Variants in POU6F2 observed in about 807,000 individuals in gnomAD.
POU6F2 encodes the protein POU class 6 homeobox 2, also known as POU domain, class 6, transcription factor 2.
POU6F2 carries 31 observed loss-of-function variants against 71.3 expected under a neutral mutation model. The ratio of observed to expected loss-of-function variants is 0.43; its 90% CI spans 0.33 to 0.59. The LOEUF (loss-of-function observed/expected upper bound fraction) is 0.59, where lower values mean the gene tolerates loss of function less well. Among genes scored for constraint, POU6F2 ranks in the 20% least tolerant of loss-of-function variants. The probability of loss-of-function intolerance (pLI) is 0.04; values close to 1 mark genes in which losing one functional copy is unlikely to be tolerated. For synonymous variants in POU6F2, 347 were observed against 355.7 expected, an observed-to-expected ratio of 0.98 and a Z score of 0.27; for missense variants, 783 against 856.8, an observed-to-expected ratio of 0.91 and a Z score of 1.07.
intron 4 of POU6F2, among the ~76,000 whole-genome samples, chr7:39,267,491 G>A (rs897352947): frequency 2.6e-5 from 4 of 152,116 alleles, no homozygotes; most frequent in Non-Finnish European, 5.9e-5. Context: ...TCCTGGATAG[G>A]GCCAATTTGT....
intron 4 of POU6F2, among the ~76,000 whole-genome samples, chr7:39,270,519 C>T (rs1448713450): frequency 2.6e-5 from 4 of 152,114 alleles, no homozygotes; most frequent in Non-Finnish European, 5.9e-5. Context: ...ATTGTTATTG[C>T]TATTTTTAGT....
At chr7:39,449,076 A>C (rs574191222) in intron 7 of POU6F2, among the ~76,000 whole-genome samples, 1 of 152,350 alleles carries the variant, frequency 6.6e-6, no homozygotes, top group Non-Finnish European at 1.5e-5. Context: ...TTTGGTTTGT[A>C]ATCTAGCCTC....
At chr7:39,375,982 C>T (rs2115772762) in intron 5 of POU6F2, among the ~76,000 whole-genome samples, 1 of 152,208 alleles carries the variant, frequency 6.6e-6, no homozygotes, top group Middle Eastern at 3.4e-3. Context: ...AGCTGGGTGA[C>T]CTTGGGCAAG....
chr7:39,357,840 G>T (rs1219565615), intron 5 of POU6F2, among the ~76,000 whole-genome samples: 1 of 152,198 alleles, frequency 6.6e-6, no homozygotes, highest in African/African-American at 2.4e-5. Flanking sequence ...AAACAAGGGT[G>T]GGGGCTTCAG....
chr7:39,463,542 A>G (rs865965755), intron 9 of POU6F2, among the ~76,000 whole-genome samples: 4 of 152,174 alleles, frequency 2.6e-5, no homozygotes, highest in African/African-American at 9.7e-5. Flanking sequence ...TTTACCTGGA[A>G]AAAGGGCATG....
Position 39,286,746 on chromosome 7 carries a change from TATCATCATCATTGTCATC to T in POU6F2, c.599-52883_599-52866del, listed in dbSNP as rs1434206807. 3.3e-5 allele frequency among the ~76,000 whole-genome samples: 5 copies of T among 152,170 alleles called. No individual in the cohort carries two copies. The East Asian group carries it at 9.7e-4, about 29-fold the overall frequency. On this transcript the variant is annotated intron_variant, in intron 4 of 9. Transcript: ENST00000518318. ...ATTAGTTTCATAGAATGTTAAAAGG[TATCATCATCATTGTCATC>T]ATCATCATCATTATTAGAGACAGGG...
intron 6 of POU6F2, among the ~76,000 whole-genome samples, chr7:39,415,584 A>G (rs1224102370): frequency 4.6e-5 from 7 of 152,224 alleles, no homozygotes; most frequent in African/African-American, 1.2e-4. Context: ...TTACATTCCA[A>G]TTAGTGCCCA....
At chr7:39,345,380 C>T (rs1469783453) in intron 5 of POU6F2, among the ~76,000 whole-genome samples, 4 of 152,152 alleles carry the variant, frequency 2.6e-5, no homozygotes, top group Non-Finnish European at 4.4e-5. Flanking sequence ...TTGTAAATTT[C>T]GGCCAGGTCT....
chr7:39,186,879 A>G (rs1375492063), intron 2 of POU6F2, among the ~76,000 whole-genome samples: 1 of 152,164 alleles, frequency 6.6e-6, no homozygotes, highest in African/African-American at 2.4e-5. Context: ...CTTGAGGCTA[A>G]TGCTCAGAAT....
chr7:39,207,422 G>A lies in POU6F2; in HGVS notation c.400G>A (p.Ala134Thr). The change falls in exon 4 of 10, where the codon GCT becomes ACT. Residue 134 changes from alanine to threonine, a missense_variant. By Grantham distance (58) the Ala-to-Thr change is moderately conservative. This residue lies in a region of POU6F2 where 572 missense variants were observed against 572.9 expected (regional missense o/e 1.00). Transcript: ENST00000518318. Reference sequence around the variant, plus strand: ...TCTGACGGCACAGCAGTTAGCTTCTGCTGTGGCCGGCGTGATGCCGGGAGG... The same window carrying A: ...TCTGACGGCACAGCAGTTAGCTTCTACTGTGGCCGGCGTGATGCCGGGAGG... ...PLLTAQQLAS[A>T]VAGVMPGGPP... 1 of 1,613,998 alleles carries A rather than the reference G, an allele frequency of 6.2e-7. No individual in the cohort carries two copies. The highest frequency in any genetic ancestry group is 8.5e-7 in the Non-Finnish European group (1 of 1,179,868).
chr7:39,273,509 AT>A (rs1242734270), intron 4 of POU6F2, among the ~76,000 whole-genome samples: 1 of 152,178 alleles, frequency 6.6e-6, no homozygotes, highest in Non-Finnish European at 1.5e-5. Flanking sequence ...ACTCCTCAGA[AT>A]TTTAAGGTCA....
intron 6 of POU6F2, among the ~76,000 whole-genome samples, chr7:39,407,281 C>A (rs1787455246): frequency 6.6e-6 from 1 of 151,974 alleles, no homozygotes; most frequent in African/African-American, 2.4e-5. Context: ...AAGTCAGCCC[C>A]ATGGTCCCTG....
In POU6F2 at chr7:39,047,573, T is replaced by A. The variant is rs567300640; in HGVS notation, c.106-38287T>A. ...ATATTGATCTTCTATCATGCAACCT[T>A]GTAGAAGGCGTGTGGTGTGTATGTG... On this transcript the variant is annotated intron_variant, in intron 1 of 9. Coordinates refer to ENST00000518318, the MANE Select transcript of POU6F2 (RefSeq NM_001370959.1). 7.2e-5 allele frequency among the ~76,000 whole-genome samples: 11 copies of A among 152,036 alleles called. No individual in the cohort carries two copies. In the South Asian group the frequency reaches 2.3e-3, roughly 31 times the overall value.
At chr7:39,348,365 A>G (rs2115657664) in intron 5 of POU6F2, among the ~76,000 whole-genome samples, 1 of 152,310 alleles carries the variant, frequency 6.6e-6, no homozygotes, top group East Asian at 1.9e-4. Flanking sequence ...ACCCATTTTT[A>G]TATACTTATT....
intron 2 of POU6F2, among the ~76,000 whole-genome samples, chr7:39,098,953 A>C (rs1173647156): frequency 6.6e-6 from 1 of 152,206 alleles, no homozygotes; most frequent in African/African-American, 2.4e-5. Flanking sequence ...AGGAAACATG[A>C]GCCCCCAAGG....
intron 2 of POU6F2, among the ~76,000 whole-genome samples, chr7:39,182,039 T>A (rs892970030): frequency 6.6e-6 from 1 of 152,252 alleles, no homozygotes; most frequent in Admixed American, 6.5e-5. Context: ...AATATTATAC[T>A]CCATATTATC....
In POU6F2 at chr7:39,464,809, C is replaced by A; in HGVS notation, c.*123C>A. The A allele has an allele frequency of 8.4e-7, 1 of 1,185,834 alleles. No homozygotes were observed. Among genetic ancestry groups the A allele is most frequent in the Non-Finnish European group, 1.1e-6 (1 of 872,212 alleles). 73.5% of individuals were successfully genotyped at this position (1,185,834 alleles called of 1,614,324 possible). A position where few individuals can be genotyped will look rare whatever the true frequency, so the allele number is the denominator to read the frequency against. ...AAAAATAGCCCCAGTCGTCATCACCCTTGTAAGTAAATGACTAAGAAAACT... is the reference window on the plus strand; with the variant it reads ...AAAAATAGCCCCAGTCGTCATCACCATTGTAAGTAAATGACTAAGAAAACT... On this transcript the variant is annotated 3_prime_UTR_variant, in exon 10 of 10. Coordinates refer to ENST00000518318, the MANE Select transcript of POU6F2 (RefSeq NM_001370959.1). The surrounding 1 kb of genome is among the most constrained non-coding windows in gnomAD (Gnocchi z 4.1).
intron 1 of POU6F2, among the ~76,000 whole-genome samples, chr7:39,024,434 A>G (rs74882576): frequency 0.33 from 49,912 of 151,710 alleles, 8,823 homozygotes; most frequent in East Asian, 0.73. Flanking sequence ...CTAGATATAC[A>G]ATCATGTCGT....
chr7:39,332,896 G>A (rs1214332624), intron 4 of POU6F2, among the ~76,000 whole-genome samples: 1 of 152,094 alleles, frequency 6.6e-6, no homozygotes, highest in Admixed American at 6.5e-5. Context: ...GCTTTTTTAG[G>A]GTAGGTGAGA....
Sources: gnomAD v4.1 joint callset for allele counts (sites outside exome capture counted in the v4.1 genomes callset) on GRCh38, gnomAD v4.1.1 for gene constraint, gnomAD v4.1.1 regional missense constraint, Gnocchi (gnomAD v3.1) non-coding constraint, MANE v1.5 for transcripts, NCBI Gene and HGNC (gene_info 2026-07-23, HGNC 2026-07-21) for gene names.